Variants in PHC2 observed in about 807,000 individuals in gnomAD.
The protein encoded by PHC2 is polyhomeotic-like protein 2.
PHC2 carries 29 observed loss-of-function variants against 87.4 expected under a neutral mutation model. The observed-to-expected ratio is 0.33, with a 90% CI of 0.25 to 0.45. The LOEUF (loss-of-function observed/expected upper bound fraction) is 0.45, where lower values mean the gene tolerates loss of function less well. PHC2 is among the 20% of genes least tolerant of loss of function. The pLI is 1.00. For missense variants in PHC2, 857 were observed against 1,136.7 expected, an observed-to-expected ratio of 0.75 and a Z score of 3.54; for synonymous variants, 438 against 461.7, an observed-to-expected ratio of 0.95 and a Z score of 0.66.
intron 1 of PHC2, chr1:33,392,547 C>T (rs1453699563): frequency 1.3e-5 from 2 of 152,212 alleles, no homozygotes; most frequent in Non-Finnish European, 2.9e-5. Flanking sequence ...CTTCAAATCT[C>T]AAAGTTGCTT....
rs1227959015 is a variant in PHC2 at position 33,354,900 on chromosome 1, G to A, written c.1330C>T (p.Pro444Ser). ...GAAGTGTGCTGGAACCTGCGTTGAGGGGTGTGGGGCACGCCCTCGGGATGT... is the reference window on the plus strand; with the variant it reads ...GAAGTGTGCTGGAACCTGCGTTGAGAGGTGTGGGGCACGCCCTCGGGATGT... ...NGHPEGVPHT[P>S]QRRFQHTSAV... The change falls in exon 8 of 15, where the codon CCT becomes TCT. Residue 444 changes from proline (P) to serine (S), a missense_variant. Pro to Ser is a moderately conservative substitution (Grantham distance 74). This residue lies in a region of PHC2 where 832 missense variants were observed against 1,081.8 expected (regional missense o/e 0.77). Coordinates refer to ENST00000683057, the MANE Select transcript of PHC2 (RefSeq NM_001385109.1). 1.2e-6 allele frequency: 2 copies of A among 1,614,224 alleles called. No individual in the cohort carries two copies. Among genetic ancestry groups the A allele is most frequent in the Non-Finnish European group, 8.5e-7 (1 of 1,180,040 alleles).
intron 9 of PHC2, among the ~76,000 whole-genome samples, chr1:33,351,778 C>G (rs527916742): frequency 2.6e-4 from 39 of 151,882 alleles, no homozygotes; most frequent in African/African-American, 8.0e-4. Context: ...ATGGCGAAAC[C>G]CTGTCTCTAC....
At chr1:33,358,440 A>G (rs1291148495) in intron 7 of PHC2, among the ~76,000 whole-genome samples, 1 of 152,230 alleles carries the variant, frequency 6.6e-6, no homozygotes, top group African/African-American at 2.4e-5. Flanking sequence ...TGGGGTATAT[A>G]TTAATACATC....
Position 33,367,337 on chromosome 1 carries a change from A to C in PHC2, c.755T>G (p.Leu252Arg). Residue 252 changes from leucine (L) to arginine (R), a missense_variant, in exon 7 of 15, where the codon CTG (leucine) becomes CGG (arginine). Leu to Arg is a moderately radical substitution (Grantham distance 102, BLOSUM62 -2). This residue lies in a region of PHC2 where 832 missense variants were observed against 1,081.8 expected (regional missense o/e 0.77). Coordinates refer to ENST00000683057, the MANE Select transcript of PHC2 (RefSeq NM_001385109.1). ...PTQPVLPSLA[L>R]KPTPGGSQPL... ...CTGGCTACCGCCCGGCGTGGGTTTC[A>C]GGGCCAAGCTGGGCAGGACAGGCTG... The C allele has an allele frequency of 6.2e-7, 1 of 1,613,204 alleles. No individual in the cohort carries two copies. The highest frequency in any genetic ancestry group is 1.7e-4 in the Middle Eastern group (1 of 5,974).
intron 7 of PHC2, among the ~76,000 whole-genome samples, chr1:33,355,931 A>G (rs534939833): frequency 3.3e-4 from 51 of 152,350 alleles, no homozygotes; most frequent in African/African-American, 1.2e-3. Flanking sequence ...TGACAGAAAA[A>G]TGACTTAATG....
intron 9 of PHC2, chr1:33,335,286 G>GC (rs1160063757): frequency 5.1e-6 from 5 of 985,070 alleles, no homozygotes; most frequent in African/African-American, 1.7e-5. Flanking sequence ...ACTCTCTCCC[G>GC]CCCCCTTCCC....
intron 1 of PHC2, among the ~76,000 whole-genome samples, chr1:33,384,893 G>A (rs1403539683): frequency 6.6e-6 from 1 of 152,206 alleles, no homozygotes; most frequent in African/African-American, 2.4e-5. Context: ...AATGAATAAA[G>A]CTTGAAGCTC....
chr1:33,379,056 C>A (rs555979782), intron 1 of PHC2, among the ~76,000 whole-genome samples: 1 of 151,938 alleles, frequency 6.6e-6, no homozygotes, highest in South Asian at 2.1e-4. Context: ...AGTGTACACT[C>A]AAATCTTGTT....
Position 33,349,026 on chromosome 1 carries a change from T to C in PHC2, c.1558+5375A>G, listed in dbSNP as rs904506900. On this transcript the variant is annotated intron_variant, in intron 9 of 14. Coordinates refer to ENST00000683057, the MANE Select transcript of PHC2 (RefSeq NM_001385109.1). The surrounding 1 kb of genome is among the most constrained non-coding windows in gnomAD (Gnocchi z 4.2). The stretch of plus-strand genomic sequence containing the variant: ...AGAATCTCACAAATCCCGATTTTAA[T>C]GTAAAGAAGCAACAAATATAGTCTA... 6.2e-6 allele frequency: 6 copies of C among 963,140 alleles called. No individual in the cohort carries two copies. The highest frequency in any genetic ancestry group is 1.8e-5 in the African/African-American group (1 of 56,734). The allele number at this position is 963,140 out of a possible 1,614,324, so 59.7% of individuals were successfully genotyped here. A position where few individuals can be genotyped will look rare whatever the true frequency, so the allele number is the denominator to read the frequency against.
chr1:33,370,299 C>G, intron 5 of PHC2, 122 bp downstream of exon 5: 1 of 903,548 alleles, frequency 1.1e-6, no homozygotes, highest in Non-Finnish European at 1.7e-6. Flanking sequence ...TTATCCCACC[C>G]CTTATCTCCT....
At chr1:33,370,934 G>A (rs1465883498) in intron 4 of PHC2, 83 bp downstream of exon 4, 19 of 1,114,866 alleles carry the variant, frequency 1.7e-5, no homozygotes, top group South Asian at 3.7e-5. Context: ...CATGGCCACG[G>A]ATTCACCACA....
rs1647200551 is a variant in PHC2 at position 33,361,833 on chromosome 1, T to C, written c.976+5283A>G. On this transcript the variant is annotated intron_variant, in intron 7 of 14. Transcript: ENST00000683057. ...AAACTGGTGATAAGCTGGGTGGTGA[T>C]GGAGCGTGGGAATGAGGGAGGGCTT... Among the ~76,000 whole-genome samples the C allele has an allele frequency of 2.0e-5, 3 of 152,162 alleles. No individual in the cohort carries two copies. In the South Asian group the frequency reaches 6.2e-4, roughly 31 times the overall value.
intron 7 of PHC2, among the ~76,000 whole-genome samples, chr1:33,365,570 AG>A (rs1183861879): frequency 6.6e-6 from 1 of 152,074 alleles, no homozygotes; most frequent in Non-Finnish European, 1.5e-5. Flanking sequence ...GCATTGAAAG[AG>A]CCCCCAGTCT....
intron 1 of PHC2, among the ~76,000 whole-genome samples, chr1:33,415,071 T>C (rs1650148644): frequency 6.6e-6 from 1 of 152,188 alleles, no homozygotes; most frequent in South Asian, 2.1e-4. Context: ...GTTTACTGCC[T>C]ACAGACAGTT....
At chr1:33,355,313 C>T (rs1049199229) in intron 7 of PHC2, 60 bp from the exon 8 acceptor site, 2 of 1,419,810 alleles carry the variant, frequency 1.4e-6, no homozygotes, top group African/African-American at 2.9e-5. Context: ...GCTGTGTCTT[C>T]CAACTCTGCC....
intron 1 of PHC2, among the ~76,000 whole-genome samples, chr1:33,415,920 C>T (rs1479391448): frequency 1.3e-5 from 2 of 152,196 alleles, no homozygotes; most frequent in South Asian, 2.1e-4. Flanking sequence ...AAGTAAAGAT[C>T]AGTGAACTTG....
chr1:33,365,559 C>T (rs910971592), intron 7 of PHC2, among the ~76,000 whole-genome samples: 2 of 152,202 alleles, frequency 1.3e-5, no homozygotes, highest in South Asian at 2.1e-4. Flanking sequence ...CTGCTTTCAA[C>T]GCATTGAAAG....
At position 33,349,399 on chromosome 1, in the gene PHC2, G is replaced by A. The variant is rs1646913379; in HGVS notation, c.1558+5002C>T. 5 of 985,176 alleles carry A rather than the reference G, an allele frequency of 5.1e-6. No homozygotes were observed. The highest frequency in any genetic ancestry group is 1.7e-5 in the African/African-American group (1 of 57,216). 61.0% of individuals were successfully genotyped at this position (985,176 alleles called of 1,614,324 possible). ...GGCTTCCAGGGGCGACGGGCGCGCA[G>A]GGTCCCCAGGCGAGCGAGGCTGGGG... is the stretch of plus-strand genomic sequence containing the variant. On this transcript the variant is annotated intron_variant, in intron 9 of 14. Transcript: ENST00000683057. The surrounding 1 kb of genome is among the most constrained non-coding windows in gnomAD (Gnocchi z 4.2).
At chr1:33,341,563 G>A (rs575394489) in intron 9 of PHC2, among the ~76,000 whole-genome samples, 2 of 152,242 alleles carry the variant, frequency 1.3e-5, no homozygotes, top group African/African-American at 2.4e-5. Flanking sequence ...TGAAGAAGCC[G>A]AAAAGGAAAC....
Sources: allele counts gnomAD v4.1 joint callset (sites outside exome capture counted in the v4.1 genomes callset), GRCh38; gene constraint gnomAD v4.1.1; regional missense constraint gnomAD v4.1.1; non-coding constraint Gnocchi (gnomAD v3.1); transcripts MANE v1.5; gene names NCBI Gene and HGNC (gene_info 2026-07-23, HGNC 2026-07-21).